The following ARHGAP24 variants were observed in gnomAD, a reference collection of about 807,000 sequenced individuals.
ARHGAP24 encodes Rho GTPase activating protein 24.
In ARHGAP24, 50 loss-of-function variants were observed where a neutral mutation model predicts 76.4. The observed-to-expected ratio is 0.65, with a 90% CI of 0.52 to 0.83. The LOEUF (loss-of-function observed/expected upper bound fraction) is 0.83, where lower values mean the gene tolerates loss of function less well. Among genes scored for constraint, ARHGAP24 ranks in the 40% least tolerant of loss-of-function variants. ARHGAP24 has a pLI of 0.00. For synonymous variants in ARHGAP24, 345 were observed against 323.3 expected, an observed-to-expected ratio of 1.07 and a Z score of -0.72; for missense variants, 930 against 914.2, an observed-to-expected ratio of 1.02 and a Z score of -0.22.
At chr4:85,532,190 G>T (rs1420956992) in intron 1 of ARHGAP24, among the ~76,000 whole-genome samples, 6 of 152,108 alleles carry the variant, frequency 3.9e-5, no homozygotes, top group Admixed American at 2.6e-4. Context: ...GAAGTGTGCA[G>T]TAGGACATTT....
intron 2 of ARHGAP24, among the ~76,000 whole-genome samples, chr4:85,589,274 T>C (rs1313628453): frequency 6.6e-6 from 1 of 152,224 alleles, no homozygotes. Context: ...TTTTCTCATC[T>C]TAAACCAGTA....
intron 2 of ARHGAP24, among the ~76,000 whole-genome samples, chr4:85,679,581 C>T (rs750694893): frequency 5.9e-4 from 90 of 152,270 alleles, no homozygotes; most frequent in African/African-American, 1.8e-3. Context: ...TTTCATCTTA[C>T]GCACCTCCAC....
intron 2 of ARHGAP24, among the ~76,000 whole-genome samples, chr4:85,656,961 T>A (rs17010564): frequency 3.4e-5 from 2 of 58,524 alleles, no homozygotes; most frequent in African/African-American, 1.1e-4. Context: ...TTAAAAAAAA[T>A]GTTTACAGCA....
chr4:85,517,009 A>G (rs957312277), intron 1 of ARHGAP24, among the ~76,000 whole-genome samples: 1 of 152,048 alleles, frequency 6.6e-6, no homozygotes, highest in African/African-American at 2.4e-5. Context: ...AGTTTCCCCA[A>G]CCTCAGTTTT....
intron 3 of ARHGAP24, among the ~76,000 whole-genome samples, chr4:85,790,075 G>T (rs1473992921): frequency 6.6e-6 from 1 of 152,060 alleles, no homozygotes; most frequent in East Asian, 1.9e-4. Flanking sequence ...TAGGCCCTAT[G>T]CCCAAAGTAT....
At chr4:85,890,921 C>A (rs947683952) in intron 3 of ARHGAP24, among the ~76,000 whole-genome samples, 1 of 152,136 alleles carries the variant, frequency 6.6e-6, no homozygotes, top group Non-Finnish European at 1.5e-5. Flanking sequence ...TGGGCACCAA[C>A]AAGTGTTCAT....
At chr4:85,883,870 T>C (rs1322979432) in intron 3 of ARHGAP24, among the ~76,000 whole-genome samples, 1 of 152,198 alleles carries the variant, frequency 6.6e-6, no homozygotes, top group East Asian at 1.9e-4. Context: ...TCCTTGCATG[T>C]TGACCTATAA....
intron 1 of ARHGAP24, among the ~76,000 whole-genome samples, chr4:85,566,688 G>A (rs1726860846): frequency 6.6e-6 from 1 of 152,286 alleles, no homozygotes; most frequent in Non-Finnish European, 1.5e-5. Context: ...TGCACAGCAA[G>A]GAAAGCCATG....
At chr4:85,709,477 G>A (rs1163718383) in intron 2 of ARHGAP24, among the ~76,000 whole-genome samples, 1 of 152,008 alleles carries the variant, frequency 6.6e-6, no homozygotes, top group Non-Finnish European at 1.5e-5. Flanking sequence ...CCCTTGAAAT[G>A]TTAAAGAGCA....
chr4:85,527,368 A>T (rs1188340355), intron 1 of ARHGAP24, among the ~76,000 whole-genome samples: 1 of 152,132 alleles, frequency 6.6e-6, no homozygotes, highest in Admixed American at 6.6e-5. Context: ...ATTAGGGTAT[A>T]TGATGATAAA....
intron 3 of ARHGAP24, among the ~76,000 whole-genome samples, chr4:85,915,272 G>A (rs879258321): frequency 4.6e-5 from 7 of 152,090 alleles, no homozygotes; most frequent in South Asian, 2.1e-4. Flanking sequence ...CAAGAAATGC[G>A]AAAAATAGTG....
chr4:85,663,060 C>G (rs1431686834), intron 2 of ARHGAP24, among the ~76,000 whole-genome samples: 7 of 151,964 alleles, frequency 4.6e-5, no homozygotes, highest in Admixed American at 4.6e-4. Flanking sequence ...TAAAGAAAGT[C>G]ATTGGTAGCT....
At chr4:85,719,712 G>A (rs1315612608) in intron 2 of ARHGAP24, among the ~76,000 whole-genome samples, 1 of 152,096 alleles carries the variant, frequency 6.6e-6, no homozygotes, top group Non-Finnish European at 1.5e-5. Flanking sequence ...CAAAATGCTT[G>A]GCATTGGTAG....
At chr4:85,574,756 C>T (rs768544335) in intron 2 of ARHGAP24, among the ~76,000 whole-genome samples, 5 of 152,126 alleles carry the variant, frequency 3.3e-5, no homozygotes, top group African/African-American at 4.8e-5. Flanking sequence ...ATTTTCCTTA[C>T]GTCTCTGTCT....
At chr4:85,564,948 A>G (rs1196623063) in intron 1 of ARHGAP24, among the ~76,000 whole-genome samples, 2 of 106,894 alleles carry the variant, frequency 1.9e-5, no homozygotes, top group South Asian at 5.5e-4. Flanking sequence ...ATATATATAT[A>G]TATATATATA....
At chr4:85,499,727 G>T (rs13434427) in intron 1 of ARHGAP24, among the ~76,000 whole-genome samples, 1 of 152,058 alleles carries the variant, frequency 6.6e-6, no homozygotes, top group African/African-American at 2.4e-5. Context: ...AGATGAGTAC[G>T]GAAGAAGAAA....
intron 3 of ARHGAP24, among the ~76,000 whole-genome samples, chr4:85,726,332 C>T (rs772403358): frequency 2.6e-5 from 4 of 152,048 alleles, no homozygotes; most frequent in Non-Finnish European, 4.4e-5. Flanking sequence ...CCAGGAAACA[C>T]GCTGATGGAG....
intron 3 of ARHGAP24, among the ~76,000 whole-genome samples, chr4:85,897,995 A>G (rs1275938452): frequency 7.1e-6 from 1 of 140,988 alleles, no homozygotes; most frequent in African/African-American, 2.7e-5. Context: ...ACATATATAT[A>G]TATATATACA....
At chr4:85,840,931 C>G (rs879349521) in intron 3 of ARHGAP24, among the ~76,000 whole-genome samples, 1 of 152,114 alleles carries the variant, frequency 6.6e-6, no homozygotes, top group Non-Finnish European at 1.5e-5. Context: ...TGAATTTAGT[C>G]TCTTCTTTTT....
Sources: gnomAD v4.1 joint callset for allele counts (sites outside exome capture counted in the v4.1 genomes callset) on GRCh38, gnomAD v4.1.1 for gene constraint, MANE v1.5 for transcripts, NCBI Gene and HGNC (gene_info 2026-07-23, HGNC 2026-07-21) for gene names.